The following LRRFIP1 variants were observed in gnomAD, a reference collection of about 807,000 sequenced individuals.
LRRFIP1 encodes LRR binding FLII interacting protein 1.
In LRRFIP1, 62 loss-of-function variants were observed where a neutral mutation model predicts 104.4. The observed-to-expected ratio is 0.59, with a 90% CI of 0.48 to 0.73. The LOEUF (loss-of-function observed/expected upper bound fraction) is 0.73, where lower values mean the gene tolerates loss of function less well. Ranked by LOEUF, LRRFIP1 falls within the 30% of genes least tolerant of loss-of-function variation. The pLI is 0.00. For synonymous variants in LRRFIP1, 300 were observed against 299.0 expected (o/e 1.00, Z -0.03); for missense variants, 796 against 824.5 (o/e 0.97, Z 0.42).
At position 237,779,817 on chromosome 2, in the gene LRRFIP1, G is replaced by T; in HGVS notation, c.*285G>T. 2 of 227,196 alleles carry T rather than the reference G, an allele frequency of 8.8e-6. No homozygotes were observed. The highest frequency in any genetic ancestry group is 1.8e-5 in the Non-Finnish European group (2 of 113,848). The allele number at this position is 227,196 out of a possible 1,614,324, so 14.1% of individuals were successfully genotyped here. ...CCTCGAGGGAGCTCTGTGTCTGACC[G>T]CACAGCAGCCTCTGAATGCCGCTGG... On this transcript the variant is annotated 3_prime_UTR_variant, in exon 24 of 24. Coordinates refer to ENST00000308482, the MANE Select transcript of LRRFIP1 (RefSeq NM_001137550.2).
chr2:237,720,567 A>G (rs547642427), intron 5 of LRRFIP1, among the ~76,000 whole-genome samples: 1 of 152,256 alleles, frequency 6.6e-6, no homozygotes, highest in Admixed American at 6.5e-5. Flanking sequence ...CTTTAAATCC[A>G]TATTGCCCAT....
intron 18 of LRRFIP1, 107 bp downstream of exon 18, chr2:237,758,928 G>T: frequency 3.0e-6 from 2 of 676,772 alleles, no homozygotes; most frequent in Non-Finnish European, 5.0e-6. Context: ...TTCATTTTAT[G>T]TCATTTAGTT....
At chr2:237,692,248 C>G (rs2092844499) in intron 1 of LRRFIP1, 1 of 1,134,662 alleles carries the variant, frequency 8.8e-7, no homozygotes, top group African/African-American at 1.6e-5. Context: ...CCACCTGCGC[C>G]CCGCCCCTGT....
intron 1 of LRRFIP1, among the ~76,000 whole-genome samples, chr2:237,657,573 T>G (rs1251271800): frequency 6.6e-6 from 1 of 152,192 alleles, no homozygotes; most frequent in Non-Finnish European, 1.5e-5. Flanking sequence ...ACATTCACTA[T>G]TAGAAGAAAG....
chr2:237,671,517 C>T (rs2090333071), intron 1 of LRRFIP1, among the ~76,000 whole-genome samples: 1 of 152,032 alleles, frequency 6.6e-6, no homozygotes, highest in African/African-American at 2.4e-5. Flanking sequence ...GTCATGTGAG[C>T]CTTTTGTCTT....
chr2:237,713,625 T>TAATGAATG (rs368832156), intron 2 of LRRFIP1, among the ~76,000 whole-genome samples: 24 of 152,296 alleles, frequency 1.6e-4, no homozygotes, highest in Non-Finnish European at 2.6e-4. Flanking sequence ...ACAAATGTCT[T>TAATGAATG]AATGAATGAA....
chr2:237,645,963 G>A (rs1418475568), intron 1 of LRRFIP1, among the ~76,000 whole-genome samples: 1 of 151,936 alleles, frequency 6.6e-6, no homozygotes, highest in Non-Finnish European at 1.5e-5. Flanking sequence ...CTGTGAGACA[G>A]TTAACTTTTT....
intron 23 of LRRFIP1, among the ~76,000 whole-genome samples, chr2:237,774,703 T>C (rs1330244496): frequency 6.6e-6 from 1 of 152,232 alleles, no homozygotes; most frequent in Non-Finnish European, 1.5e-5. Context: ...GCATCTCCTA[T>C]AGGTCTTGTC....
At chr2:237,720,160 C>T (rs1023342274) in intron 5 of LRRFIP1, among the ~76,000 whole-genome samples, 3 of 151,968 alleles carry the variant, frequency 2.0e-5, no homozygotes, top group Non-Finnish European at 2.9e-5. Flanking sequence ...TTGCCCAATC[C>T]GGTCTCGAAC....
chr2:237,772,102 C>T lies in LRRFIP1; in HGVS notation c.1531C>T (p.Leu511=). 1 of 1,613,410 alleles carries T rather than the reference C, an allele frequency of 6.2e-7. No individual in the cohort carries two copies. The highest frequency in any genetic ancestry group is 8.5e-7 in the Non-Finnish European group (1 of 1,179,578). Residue 511 remains leucine, a synonymous_variant, in exon 21 of 24, where the codon CTG becomes TTG. Coordinates refer to ENST00000308482, the MANE Select transcript of LRRFIP1 (RefSeq NM_001137550.2). ...TCAGATTAAGAAACTCAAAGGGCAG[C>T]TGGAGGAGAGACAGAAGATTGGCAA... ...LEQIKKLKGQ[L]EERQKIGKLD...
chr2:237,643,327 G>A (rs1359535324), intron 1 of LRRFIP1, among the ~76,000 whole-genome samples: 2 of 152,232 alleles, frequency 1.3e-5, no homozygotes, highest in Admixed American at 6.5e-5. Flanking sequence ...GAACCTCTGG[G>A]GGTGGAGCCG....
rs1372405226 is a variant in LRRFIP1, at chr2:237,780,380, T to C, written c.*848T>C. 1 of 152,198 alleles carries C rather than the reference T, an allele frequency of 6.6e-6. No individual in the cohort carries two copies. The highest frequency in any genetic ancestry group is 1.5e-5 in the Non-Finnish European group (1 of 68,046). 9.4% of individuals were successfully genotyped at this position (152,198 alleles called of 1,614,324 possible). A position where few individuals can be genotyped will look rare whatever the true frequency, so the allele number is the denominator to read the frequency against. Reference sequence around the variant, plus strand: ...CTTTAATTTCATATTAATGGTTCTGTATATTTTGGGTCATCTTTTTATTTT... The same window carrying C: ...CTTTAATTTCATATTAATGGTTCTGCATATTTTGGGTCATCTTTTTATTTT... On this transcript the variant is annotated 3_prime_UTR_variant, in exon 24 of 24. Coordinates refer to ENST00000308482, the MANE Select transcript of LRRFIP1 (RefSeq NM_001137550.2).
intron 9 of LRRFIP1, 100 bp downstream of exon 9, chr2:237,733,918 CT>C: frequency 7.6e-7 from 1 of 1,309,182 alleles, no homozygotes; most frequent in Non-Finnish European, 1.1e-6. Flanking sequence ...TCCCAGCCCC[CT>C]GGGGGAAGTT....
rs2059546025 is a variant in LRRFIP1 at position 237,758,626 on chromosome 2, TA to T, written c.1225-102del. Reference sequence around the variant, plus strand: ...AGTCTCTTTAATGTCTAGAGTCCACTAGTGTTTTAGATGGTAGAAGCCTCCT... The same window carrying T: ...AGTCTCTTTAATGTCTAGAGTCCACTGTGTTTTAGATGGTAGAAGCCTCCT... On this transcript the variant is annotated intron_variant, in intron 17 of 23. Coordinates refer to ENST00000308482, the MANE Select transcript of LRRFIP1 (RefSeq NM_001137550.2). 27 of 728,370 alleles carry T rather than the reference TA, an allele frequency of 3.7e-5. No individual in the cohort carries two copies. In the South Asian group the frequency reaches 4.5e-4, roughly 12 times the overall value. The allele number at this position is 728,370 out of a possible 1,614,324, so 45.1% of individuals were successfully genotyped here. A position where few individuals can be genotyped will look rare whatever the true frequency, so the allele number is the denominator to read the frequency against.
chr2:237,753,419 GTTGCTGGAGC>G lies in LRRFIP1; in HGVS notation c.982_991del (p.Leu328LysfsTer39). On this transcript the variant is annotated frameshift_variant, in exon 15 of 24. Coordinates refer to ENST00000308482, the MANE Select transcript of LRRFIP1 (RefSeq NM_001137550.2). LOFTEE classifies it high-confidence loss of function. ...ACCAGGTTGATACCCTAAAAGATAT[GTTGCTGGAGC>G]TTGAAGAACAGCTGGCTGAATCTAG... 6.2e-7 allele frequency: 1 copy of G among 1,603,936 alleles called. No individual in the cohort carries two copies.
rs114323712 is a variant in LRRFIP1 at position 237,774,354 on chromosome 2, T to G, written c.1708-4T>G. 14 of 1,573,774 alleles carry G rather than the reference T, an allele frequency of 8.9e-6. No individual in the cohort carries two copies. The African/African-American group carries it at 1.9e-4, about 21-fold the overall frequency. On this transcript the variant is annotated splice_region_variant and splice_polypyrimidine_tract_variant and intron_variant, in intron 22 of 23. Transcript: ENST00000308482. ...ATACATATGGTTTTTTTTCTACCTT[T>G]TAGGTAATAAGGTTAGAGAGTCAAG... is the stretch of plus-strand genomic sequence containing the variant.
intron 1 of LRRFIP1, among the ~76,000 whole-genome samples, chr2:237,629,884 G>A (rs1467625282): frequency 3.3e-5 from 5 of 152,198 alleles, no homozygotes; most frequent in Non-Finnish European, 4.4e-5. Flanking sequence ...GAGTTACAGA[G>A]ATAGACTTGT....
chr2:237,638,226 G>A (rs2083369997), intron 1 of LRRFIP1, among the ~76,000 whole-genome samples: 1 of 152,188 alleles, frequency 6.6e-6, no homozygotes, highest in Non-Finnish European at 1.5e-5. Flanking sequence ...TGGGGGTGAT[G>A]GGAGACAGTG....
At chr2:237,676,772 G>A (rs2091213841) in intron 1 of LRRFIP1, among the ~76,000 whole-genome samples, 2 of 152,308 alleles carry the variant, frequency 1.3e-5, no homozygotes, top group South Asian at 4.1e-4. Flanking sequence ...CAAAGTGCTG[G>A]GATTACAGGC....
Sources: gnomAD v4.1 joint callset for allele counts (sites outside exome capture counted in the v4.1 genomes callset) on GRCh38, gnomAD v4.1.1 for gene constraint, MANE v1.5 for transcripts, NCBI Gene and HGNC (gene_info 2026-07-23, HGNC 2026-07-21) for gene names.